The following STAB1 variants were observed in gnomAD, a reference collection of about 807,000 sequenced individuals.
The protein encoded by STAB1 is stabilin-1.
A neutral mutation model predicts 332.4 loss-of-function variants in STAB1; 250 were observed. The ratio of observed to expected loss-of-function variants is 0.75; its 90% CI spans 0.68 to 0.84. STAB1 has a LOEUF of 0.84. STAB1 is among the 40% of genes least tolerant of loss of function. STAB1 has a pLI of 0.00. For missense variants in STAB1, 3,249 were observed against 3,489.7 expected (o/e 0.93, Z 1.74); for synonymous variants, 1,475 against 1,390.4 (o/e 1.06, Z -1.35).
intron 1 of STAB1, among the ~76,000 whole-genome samples, chr3:52,497,069 T>C (rs1708084603): frequency 1.3e-5 from 2 of 152,220 alleles, no homozygotes; most frequent in South Asian, 2.1e-4. Context: ...TGGCGTGATC[T>C]CGGCTCAGTG....
chr3:52,511,656 T>C lies in STAB1; in HGVS notation c.2794T>C (p.Cys932Arg), dbSNP rs780738745. 8.7e-6 allele frequency: 14 copies of C among 1,610,068 alleles called. No individual in the cohort carries two copies. The highest frequency in any genetic ancestry group is 1.2e-5 in the Non-Finnish European group (14 of 1,178,232). Residue 932 changes from cysteine to arginine, a missense_variant, in exon 26 of 69, where the codon TGC becomes CGC. Transcript: ENST00000321725. ...CTGTTCCTAACCTTTCCAGAGCCGA[T>C]GCACCTGCAAGCTGGGCTTTGCCGG... is the stretch of plus-strand genomic sequence containing the variant. ...CSYVGPGQSR[C>R]TCKLGFAGDG...
intron 20 of STAB1, 22 bp downstream of exon 20, chr3:52,508,048 C>T: frequency 8.7e-6 from 14 of 1,607,786 alleles, no homozygotes; most frequent in Non-Finnish European, 1.1e-5. Context: ...CATGGGTGCC[C>T]ACTCCCAGGT....
Position 52,520,767 on chromosome 3 carries a change from A to T in STAB1, c.5707-37A>T. Reference sequence around the variant, plus strand: ...GCAGAGCCCAAGGACCACCAAACTCAGAACCACCCAACTGCGGCCTGACTC... The same window carrying T: ...GCAGAGCCCAAGGACCACCAAACTCTGAACCACCCAACTGCGGCCTGACTC... On this transcript the variant is annotated intron_variant, in intron 54 of 68. Transcript: ENST00000321725. The T allele has an allele frequency of 3.1e-6, 5 of 1,612,716 alleles. No homozygotes were observed. The South Asian group carries it at 5.5e-5, about 18-fold the overall frequency.
intron 30 of STAB1, 150 bp downstream of exon 30, chr3:52,513,391 G>A: frequency 1.3e-6 from 1 of 797,720 alleles, no homozygotes; most frequent in Non-Finnish European, 2.0e-6. Flanking sequence ...GATGTGCTCA[G>A]GACGCATTGC....
At chr3:52,508,550 A>G in intron 21 of STAB1, 191 bp downstream of exon 21, 1 of 641,284 alleles carries the variant, frequency 1.6e-6, no homozygotes, top group Non-Finnish European at 2.8e-6. Context: ...GGCCAGGTGC[A>G]ATGTCTCATG....
Position 52,522,705 on chromosome 3 carries a change from AGTTGGGGCCAAGT to A in STAB1, c.6744+25_6744+37del, listed in dbSNP as rs1473270447. On this transcript the variant is annotated intron_variant, in intron 61 of 68. Transcript: ENST00000321725. ...GCCCAGCAGGTGTGTGGGGCCCAGA[AGTTGGGGCCAAGT>A]GTTGGGGGAGGCCTTGACTGGGTCT... The A allele has an allele frequency of 1.9e-6, 3 of 1,612,616 alleles. No homozygotes were observed. The highest frequency in any genetic ancestry group is 2.5e-6 in the Non-Finnish European group (3 of 1,179,908).
In STAB1 at chr3:52,520,265, CTT is replaced by C. The variant is rs763268659; in HGVS notation, c.5476_5477del (p.Phe1826LeufsTer9). The C allele has an allele frequency of 8.2e-5, 133 of 1,613,040 alleles. No homozygotes were observed. Among genetic ancestry groups the C allele is most frequent in the Non-Finnish European group, 1.1e-4 (130 of 1,180,050 alleles). On this transcript the variant is annotated frameshift_variant, in exon 52 of 69. Transcript: ENST00000321725. LOFTEE classifies it high-confidence loss of function. ...CGAACCATGCATGGGACCCCCATCT[CTT>C]TCTCCTGCAGCCGAACGCGGGCCGT... is the stretch of plus-strand genomic sequence containing the variant.
rs2079198767 is a variant in STAB1 at position 52,524,369 on chromosome 3, T to TG, written c.*14dup. Reference sequence around the variant, plus strand: ...CACAGTCAAGTGACGAGGCTGGGGCTGAAAGCAGAAGCATGCACAGGGAGG... The same window carrying TG: ...CACAGTCAAGTGACGAGGCTGGGGCTGGAAAGCAGAAGCATGCACAGGGAGG... On this transcript the variant is annotated 3_prime_UTR_variant, in exon 69 of 69. Coordinates refer to ENST00000321725, the MANE Select transcript of STAB1 (RefSeq NM_015136.3). 6.2e-7 allele frequency: 1 copy of TG among 1,613,546 alleles called. No homozygotes were observed. Among genetic ancestry groups the TG allele is most frequent in the African/African-American group, 1.3e-5 (1 of 74,948 alleles).
At position 52,515,366 on chromosome 3, in the gene STAB1, C is replaced by T. The variant is rs2078825614; in HGVS notation, c.3865-57C>T. On this transcript the variant is annotated intron_variant, in intron 36 of 68. Transcript: ENST00000321725. ...GTCCATCTGTCTGTCTCCCCATTCA[C>T]TGCCCTGCCCCTGCCCAAGCCACTG... is the stretch of plus-strand genomic sequence containing the variant. 4 of 1,547,394 alleles carry T rather than the reference C, an allele frequency of 2.6e-6. No homozygotes were observed. The African/African-American group carries it at 5.4e-5, about 21-fold the overall frequency.
intron 1 of STAB1, among the ~76,000 whole-genome samples, chr3:52,498,863 TG>T: frequency 6.6e-6 from 1 of 152,336 alleles, no homozygotes; most frequent in Middle Eastern, 3.4e-3. Context: ...AGCCTCAGGA[TG>T]GGGAACGAGA....
At chr3:52,517,472 GA>G in intron 43 of STAB1, 77 bp from the exon 44 acceptor site, 1 of 1,590,214 alleles carries the variant, frequency 6.3e-7, no homozygotes, top group South Asian at 1.1e-5. Context: ...CAGGCCCGGG[GA>G]GGGGGGTGAC....
chr3:52,513,740 C>A lies in STAB1; in HGVS notation c.3294C>A (p.Ser1098Arg), dbSNP rs140431040. Residue 1098 changes from serine to arginine, a missense_variant, in exon 31 of 69, where the codon AGC (serine) becomes AGA (arginine). Ser to Arg is a moderately radical substitution (Grantham distance 110). Transcript: ENST00000321725. Reference protein sequence around the residue: ...ISGRVWVQNASVDVADLLATN... With the variant: ...ISGRVWVQNARVDVADLLATN... ...AGAGGGTCTGGGTGCAGAATGCCAG[C>A]GTGGATGTGGCTGACCTCCTTGCCA... 6.2e-7 allele frequency: 1 copy of A among 1,613,424 alleles called. No individual in the cohort carries two copies. Among genetic ancestry groups the A allele is most frequent in the Non-Finnish European group, 8.5e-7 (1 of 1,180,000 alleles).
Position 52,501,496 on chromosome 3 carries a change from G to C in STAB1, c.216-142G>C. On this transcript the variant is annotated intron_variant, in intron 2 of 68. Coordinates refer to ENST00000321725, the MANE Select transcript of STAB1 (RefSeq NM_015136.3). ...GGCAGGAGGGGTTTATGGGGCACCTGCTATGTGCTAGGCCCTGTGCTCAGC... is the reference window on the plus strand; with the variant it reads ...GGCAGGAGGGGTTTATGGGGCACCTCCTATGTGCTAGGCCCTGTGCTCAGC... 3 of 1,075,658 alleles carry C rather than the reference G, an allele frequency of 2.8e-6. No homozygotes were observed. The South Asian group carries it at 4.6e-5, about 16-fold the overall frequency. The allele number at this position is 1,075,658 out of a possible 1,614,324, so 66.6% of individuals were successfully genotyped here. A position where few individuals can be genotyped will look rare whatever the true frequency, so the allele number is the denominator to read the frequency against.
In STAB1 at chr3:52,515,512, C is replaced by T. The variant is rs777350148; in HGVS notation, c.3948+6C>T. On this transcript the variant is annotated splice_donor_region_variant and intron_variant, in intron 37 of 68. Transcript: ENST00000321725. Reference sequence around the variant, plus strand: ...CATGTGCCAAGAAGATCCAGGTTTGCCCTGAAGCCCCCACCCCAAGCCTGT... The same window carrying T: ...CATGTGCCAAGAAGATCCAGGTTTGTCCTGAAGCCCCCACCCCAAGCCTGT... 6.8e-6 allele frequency: 11 copies of T among 1,612,932 alleles called. No individual in the cohort carries two copies. Among genetic ancestry groups the T allele is most frequent in the East Asian group, 2.2e-5 (1 of 44,880 alleles).
rs781153993 is a variant in STAB1 at position 52,523,886 on chromosome 3, C to CA, written c.7411_7412insA (p.Pro2471HisfsTer2). 2 of 1,604,198 alleles carry CA rather than the reference C, an allele frequency of 1.2e-6. No homozygotes were observed. The highest frequency in any genetic ancestry group is 2.2e-5 in the South Asian group (2 of 90,778). On this transcript the variant is annotated frameshift_variant, in exon 67 of 69. Transcript: ENST00000321725. LOFTEE classifies it high-confidence loss of function. ...TTGTTTGTAGCAGGCAGTGCTGGCG[C>CA]CTGAAGCCCCACCTGTGGCGGCAGG...
intron 8 of STAB1, 61 bp from the exon 9 acceptor site, chr3:52,503,711 C>T (rs1708623869): frequency 1.2e-6 from 2 of 1,605,360 alleles, no homozygotes; most frequent in Non-Finnish European, 1.7e-6. Flanking sequence ...ATGGGTAGGG[C>T]AGACACCAGT....
At chr3:52,522,280 C>A (rs1253445928) in intron 59 of STAB1, 50 bp downstream of exon 59, 2 of 1,611,358 alleles carry the variant, frequency 1.2e-6, no homozygotes, top group Non-Finnish European at 1.7e-6. Flanking sequence ...CCTGGCAGAA[C>A]TTCCGACCTC....
chr3:52,508,624 C>T (rs542074642), intron 21 of STAB1: 1 of 426,472 alleles, frequency 2.3e-6, no homozygotes, highest in Non-Finnish European at 4.4e-6. Context: ...GAGTTCAAGA[C>T]CAGCCTGGTC....
intron 38 of STAB1, 59 bp downstream of exon 38, chr3:52,516,297 C>A: frequency 1.2e-6 from 2 of 1,606,848 alleles, no homozygotes; most frequent in South Asian, 2.2e-5. Context: ...GCCTGGAGAC[C>A]CCAGCCGGGA....
Sources: allele counts gnomAD v4.1 joint callset (sites outside exome capture counted in the v4.1 genomes callset), GRCh38; gene constraint gnomAD v4.1.1; transcripts MANE v1.5; gene names NCBI Gene and HGNC (gene_info 2026-07-23, HGNC 2026-07-21).